WDR64: variants seen among roughly 807,000 people sequenced by gnomAD.
The protein encoded by WDR64 is WD repeat domain 64.
Under a neutral mutation model 139.3 loss-of-function variants are expected in WDR64, and 112 were observed. The observed-to-expected ratio is 0.80, with a 90% CI of 0.69 to 0.94. The LOEUF is 0.94. Among genes scored for constraint, WDR64 ranks in the 40% least tolerant of loss-of-function variants. WDR64 has a pLI of 0.00. For missense variants in WDR64, 1,206 were observed against 1,293.1 expected (o/e 0.93, Z 1.03); for synonymous variants, 444 against 437.7 (o/e 1.01, Z -0.18).
chr1:241,669,633 A>C (rs1666148347), intron 2 of WDR64, among the ~76,000 whole-genome samples: 1 of 152,224 alleles, frequency 6.6e-6, no homozygotes, highest in Admixed American at 6.5e-5. Context: ...ACTGTGGGGA[A>C]TAATTAGGGC....
chr1:241,769,599 G>T (rs1658340780), intron 17 of WDR64, 94 bp downstream of exon 17: 15 of 1,052,854 alleles, frequency 1.4e-5, no homozygotes, highest in Non-Finnish European at 2.1e-5. Context: ...TTTTGCCATT[G>T]AAAGTAATAG....
chr1:241,767,338 G>GTT (rs1553378923), intron 16 of WDR64, among the ~76,000 whole-genome samples: 32 of 136,996 alleles, frequency 2.3e-4, no homozygotes, highest in East Asian at 1.2e-3. Context: ...ACTTCTCAAT[G>GTT]TTTTTTTTTT....
intron 10 of WDR64, among the ~76,000 whole-genome samples, chr1:241,732,307 ATCTATCTATCTAT>A (rs201623469): frequency 0.16 from 23,990 of 152,142 alleles, 2,223 homozygotes; most frequent in East Asian, 0.28. Context: ...TGCAGTATCT[ATCTATCTATCTAT>A]CTATTTGTCA....
At chr1:241,720,557 A>G (rs979617774) in intron 9 of WDR64, among the ~76,000 whole-genome samples, 1 of 152,080 alleles carries the variant, frequency 6.6e-6, no homozygotes, top group Non-Finnish European at 1.5e-5. Flanking sequence ...ATGACCAACG[A>G]TGTTGAGTTT....
chr1:241,721,940 G>A (rs568603383), intron 9 of WDR64, among the ~76,000 whole-genome samples: 170 of 152,148 alleles, frequency 1.1e-3, no homozygotes, highest in African/African-American at 3.8e-3. Flanking sequence ...ATCTGACCAC[G>A]CCTAACTGCA....
At chr1:241,699,593 G>T (rs1298333016) in intron 8 of WDR64, among the ~76,000 whole-genome samples, 1 of 152,074 alleles carries the variant, frequency 6.6e-6, no homozygotes, top group African/African-American at 2.4e-5. Context: ...GTGGGTGGGG[G>T]GAACTGAGGA....
rs1253977524 is a variant in WDR64 at position 241,674,258 on chromosome 1, TTTC to T, written c.380-383_380-381del. Among the ~76,000 whole-genome samples, 3 of 136,454 alleles carry T rather than the reference TTTC, an allele frequency of 2.2e-5. 1 individual carries two copies. Among genetic ancestry groups the T allele is most frequent in the Admixed American group, 7.2e-5 (1 of 13,810 alleles). 89.5% of individuals were successfully genotyped at this position (136,454 alleles called of 152,430 possible). A position where few individuals can be genotyped will look rare whatever the true frequency, so the allele number is the denominator to read the frequency against. ...GCTGGCTGTTTATCTTTTTTTTTCT[TTTC>T]TTTTTTTTTTTTTTTGAGACAGGGT... On this transcript the variant is annotated intron_variant, in intron 3 of 27. Coordinates refer to ENST00000437684, the MANE Select transcript of WDR64 (RefSeq NM_001367482.1).
intron 14 of WDR64, among the ~76,000 whole-genome samples, chr1:241,752,769 T>C (rs1318445000): frequency 6.6e-6 from 1 of 152,126 alleles, no homozygotes; most frequent in Non-Finnish European, 1.5e-5. Context: ...GAGAATTGCT[T>C]GATCCTGGGA....
chr1:241,800,148 A>G (rs552570124), intron 27 of WDR64, among the ~76,000 whole-genome samples: 232 of 152,344 alleles, frequency 1.5e-3, no homozygotes, highest in African/African-American at 5.3e-3. Flanking sequence ...CAGCTTGGAA[A>G]GTTCCCTCTG....
intron 7 of WDR64, among the ~76,000 whole-genome samples, chr1:241,686,362 C>T (rs1667004063): frequency 6.6e-6 from 1 of 152,158 alleles, no homozygotes. Flanking sequence ...TAGCCAGGAT[C>T]CAGAGTTCAA....
chr1:241,703,532 G>T lies in WDR64; in HGVS notation c.975-8270G>T, dbSNP rs901129849. Among the ~76,000 whole-genome samples the T allele has an allele frequency of 1.3e-5, 2 of 151,878 alleles. No homozygotes were observed. The highest frequency in any genetic ancestry group is 4.8e-5 in the African/African-American group (2 of 41,332). On this transcript the variant is annotated intron_variant, in intron 8 of 27. Transcript: ENST00000437684. The surrounding 1 kb of genome is among the most constrained non-coding windows in gnomAD (Gnocchi z 5.9). The stretch of plus-strand genomic sequence containing the variant: ...CTTTAAAATTGCTATCATTTCAGGG[G>T]GATCAGGGAAAAAGTCAGAATGAAC...
chr1:241,771,557 G>C, intron 18 of WDR64, 104 bp from the exon 19 acceptor site: 1 of 788,312 alleles, frequency 1.3e-6, no homozygotes, highest in East Asian at 3.3e-5. Context: ...TAAAAGTAAT[G>C]CTTAGAAATG....
At chr1:241,738,560 G>A in intron 11 of WDR64, 71 bp downstream of exon 11, 3 of 1,495,166 alleles carry the variant, frequency 2.0e-6, no homozygotes, top group Non-Finnish European at 2.7e-6. Context: ...ACTAGCACTT[G>A]AGCACTAACT....
At position 241,757,277 on chromosome 1, in the gene WDR64, T is replaced by C. The variant is rs1670229565; in HGVS notation, c.1771-6T>C. ...TTTTCATGCACTCACTGGATTTCTG[T>C]TAAAGGGTAAGGAAGATGATATCTA... On this transcript the variant is annotated splice_region_variant and splice_polypyrimidine_tract_variant and intron_variant, in intron 14 of 27. Coordinates refer to ENST00000437684, the MANE Select transcript of WDR64 (RefSeq NM_001367482.1). 2 of 1,607,634 alleles carry C rather than the reference T, an allele frequency of 1.2e-6. No homozygotes were observed. Among genetic ancestry groups the C allele is most frequent in the African/African-American group, 1.3e-5 (1 of 74,654 alleles).
chr1:241,788,899 G>A (rs1659133025), intron 24 of WDR64, among the ~76,000 whole-genome samples: 1 of 152,108 alleles, frequency 6.6e-6, no homozygotes, highest in Non-Finnish European at 1.5e-5. Flanking sequence ...ACCAAGCAAA[G>A]TTTCTCAGTT....
rs1659429223 is a variant in WDR64 at position 241,798,453 on chromosome 1, T to C, written c.3192+2083T>C. Among the ~76,000 whole-genome samples, 2 of 152,210 alleles carry C rather than the reference T, an allele frequency of 1.3e-5. 1 individual carries two copies. The highest frequency in any genetic ancestry group is 2.9e-5 in the Non-Finnish European group (2 of 68,032). Reference sequence around the variant, plus strand: ...AAACTGGGATAGATTAAAGCACCACTATGTTAACTGTCTACAATTTTAGAA... The same window carrying C: ...AAACTGGGATAGATTAAAGCACCACCATGTTAACTGTCTACAATTTTAGAA... On this transcript the variant is annotated intron_variant, in intron 27 of 27. Coordinates refer to ENST00000437684, the MANE Select transcript of WDR64 (RefSeq NM_001367482.1).
intron 2 of WDR64, among the ~76,000 whole-genome samples, chr1:241,666,941 C>G (rs1027996849): frequency 4.6e-5 from 7 of 152,120 alleles, no homozygotes; most frequent in African/African-American, 1.7e-4. Context: ...AGATTTGGAC[C>G]CATGACCAAT....
chr1:241,753,738 G>A (rs1034407070), intron 14 of WDR64, among the ~76,000 whole-genome samples: 2 of 151,956 alleles, frequency 1.3e-5, no homozygotes, highest in African/African-American at 4.8e-5. Context: ...AGATAGTACA[G>A]GTGGAATAAA....
At chr1:241,733,974 C>T (rs748693079) in intron 10 of WDR64, among the ~76,000 whole-genome samples, 4 of 152,070 alleles carry the variant, frequency 2.6e-5, no homozygotes, top group Admixed American at 6.6e-5. Context: ...TTAATTAATA[C>T]GTGAAGGGAA....
Sources: allele counts gnomAD v4.1 joint callset (sites outside exome capture counted in the v4.1 genomes callset), GRCh38; gene constraint gnomAD v4.1.1; non-coding constraint Gnocchi (gnomAD v3.1); transcripts MANE v1.5; gene names NCBI Gene and HGNC (gene_info 2026-07-23, HGNC 2026-07-21).